TRPC7: variants seen among roughly 807,000 people sequenced by gnomAD.
The protein encoded by TRPC7 is short transient receptor potential channel 7.
In TRPC7, 42 loss-of-function variants were observed where a neutral mutation model predicts 90.1. That is an observed-to-expected ratio of 0.47 (90% CI 0.36 to 0.60). TRPC7 has a LOEUF of 0.60. Ranked by LOEUF, TRPC7 falls within the 20% of genes least tolerant of loss-of-function variation. The probability of loss-of-function intolerance (pLI) is 0.00; values close to 1 mark genes in which losing one functional copy is unlikely to be tolerated. For synonymous variants in TRPC7, 451 were observed against 436.3 expected (o/e 1.03, Z -0.42); for missense variants, 955 against 1,112.3 (o/e 0.86, Z 2.01).
At chr5:136,224,585 CA>C (rs1273401408) in intron 10 of TRPC7, among the ~76,000 whole-genome samples, 1 of 152,206 alleles carries the variant, frequency 6.6e-6, no homozygotes, top group African/African-American at 2.4e-5. Context: ...CCAATCCAAG[CA>C]ACCATGCCTT....
At chr5:136,307,281 C>G (rs1399668961) in intron 3 of TRPC7, among the ~76,000 whole-genome samples, 1 of 152,084 alleles carries the variant, frequency 6.6e-6, no homozygotes, top group East Asian at 1.9e-4. Context: ...ATTGACAACT[C>G]CCCATTCCCT....
In TRPC7 at chr5:136,355,811, A is replaced by T. The variant is rs1229250184; in HGVS notation, c.780+797T>A. ...AGACTCTGCCTCAAAAAGGAAAAAAAAATTGCTCTTATTATTATTAAACAC... is the reference window on the plus strand; with the variant it reads ...AGACTCTGCCTCAAAAAGGAAAAAATAATTGCTCTTATTATTATTAAACAC... On this transcript the variant is annotated intron_variant, in intron 2 of 11. Transcript: ENST00000513104. Among the ~76,000 whole-genome samples the T allele has an allele frequency of 3.3e-5, 5 of 152,300 alleles. No homozygotes were observed. The East Asian group carries it at 9.7e-4, about 29-fold the overall frequency.
intron 2 of TRPC7, among the ~76,000 whole-genome samples, chr5:136,326,329 T>C (rs545144639): frequency 1.3e-5 from 2 of 152,210 alleles, no homozygotes; most frequent in African/African-American, 2.4e-5. Flanking sequence ...GAGGAATACA[T>C]GTATATATAG....
Position 136,231,665 on chromosome 5 carries a change from C to T in TRPC7, c.1845-116G>A, listed in dbSNP as rs549503634. ...TGTTGCCTAGGCTGGAGTGCAGTGG[C>T]TCAATCATGGCTCACTCTAGCCCTG... On this transcript the variant is annotated intron_variant, in intron 7 of 11. Transcript: ENST00000513104. The T allele has an allele frequency of 1.5e-4, 147 of 961,864 alleles. 1 individual carries two copies. The South Asian group carries it at 2.4e-3, about 16-fold the overall frequency. 59.6% of individuals were successfully genotyped at this position (961,864 alleles called of 1,614,324 possible).
chr5:136,336,685 T>C (rs1759677506), intron 2 of TRPC7, among the ~76,000 whole-genome samples: 1 of 152,002 alleles, frequency 6.6e-6, no homozygotes, highest in African/African-American at 2.4e-5. Flanking sequence ...GACAGGCCCC[T>C]GGGGTGTGAT....
At chr5:136,244,409 TAG>T (rs1021812636) in intron 7 of TRPC7, among the ~76,000 whole-genome samples, 3 of 152,096 alleles carry the variant, frequency 2.0e-5, no homozygotes, top group Non-Finnish European at 4.4e-5. Flanking sequence ...AGGCTCTCCG[TAG>T]AGGAGGGAAG....
At chr5:136,231,228 T>A (rs1459514574) in intron 8 of TRPC7, 126 bp downstream of exon 8, 4 of 852,082 alleles carry the variant, frequency 4.7e-6, no homozygotes, top group Non-Finnish European at 7.0e-6. Flanking sequence ...GAAGAATGCC[T>A]GTTCTTTGCT....
intron 2 of TRPC7, 62 bp from the exon 3 acceptor site, chr5:136,315,841 G>A: frequency 6.6e-7 from 1 of 1,525,714 alleles, no homozygotes; most frequent in Non-Finnish European, 8.9e-7. Context: ...GGCTTGCCCA[G>A]CATAGCAGTG....
chr5:136,231,252 A>AT, intron 8 of TRPC7, 102 bp downstream of exon 8: 1 of 1,091,640 alleles, frequency 9.2e-7, no homozygotes, highest in Non-Finnish European at 1.3e-6. Flanking sequence ...CTGGCTGCAC[A>AT]TTTAACAACA....
At chr5:136,286,120 C>A (rs182653079) in intron 3 of TRPC7, among the ~76,000 whole-genome samples, 2 of 152,258 alleles carry the variant, frequency 1.3e-5, no homozygotes, top group African/African-American at 2.4e-5. Flanking sequence ...TTATCGAATG[C>A]GCGAATTTAT....
At chr5:136,299,576 T>A (rs1206458489) in intron 3 of TRPC7, among the ~76,000 whole-genome samples, 2 of 152,144 alleles carry the variant, frequency 1.3e-5, no homozygotes, top group African/African-American at 2.4e-5. Context: ...CTTAGGCAGA[T>A]GAATGTTAAT....
chr5:136,341,134 C>T (rs77402045), intron 2 of TRPC7, among the ~76,000 whole-genome samples: 3,696 of 152,222 alleles, frequency 0.024, 161 homozygotes, highest in African/African-American at 0.084. Flanking sequence ...GTTTAACTTA[C>T]AGATGTGGTC....
chr5:136,324,794 G>T (rs189902819), intron 2 of TRPC7, among the ~76,000 whole-genome samples: 61 of 152,186 alleles, frequency 4.0e-4, no homozygotes, highest in Non-Finnish European at 6.8e-4. Context: ...TATCCTGATC[G>T]GTCAAAAGTT....
intron 3 of TRPC7, among the ~76,000 whole-genome samples, chr5:136,313,258 C>T (rs1328056664): frequency 6.6e-6 from 1 of 152,162 alleles, no homozygotes; most frequent in African/African-American, 2.4e-5. Flanking sequence ...CATGGAACTG[C>T]TAAGACCAAC....
Position 136,320,683 on chromosome 5 carries a change from A to G in TRPC7, c.781-4904T>C, listed in dbSNP as rs551726425. ...TTTATTTACTGGGGGTCTCCCCCGG[A>G]TTCAGTCTACTCCAGCCACTCTGGT... On this transcript the variant is annotated intron_variant, in intron 2 of 11. Transcript: ENST00000513104. Among the ~76,000 whole-genome samples, 10 of 152,220 alleles carry G rather than the reference A, an allele frequency of 6.6e-5. No individual in the cohort carries two copies. In the South Asian group the frequency reaches 2.1e-3, roughly 32 times the overall value.
At chr5:136,254,679 T>C (rs1002421276) in intron 5 of TRPC7, among the ~76,000 whole-genome samples, 2 of 152,234 alleles carry the variant, frequency 1.3e-5, no homozygotes, top group Non-Finnish European at 2.9e-5. Context: ...TAACATAGTA[T>C]CCATTTTGCA....
intron 2 of TRPC7, among the ~76,000 whole-genome samples, chr5:136,351,961 CT>C (rs949713089): frequency 6.6e-6 from 1 of 152,192 alleles, no homozygotes; most frequent in Non-Finnish European, 1.5e-5. Context: ...TTCTTGCCCC[CT>C]ATTCTTCCCC....
chr5:136,356,627 T>C lies in TRPC7; in HGVS notation c.761A>G (p.Asn254Ser). The C allele has an allele frequency of 6.5e-7, 1 of 1,540,368 alleles. No homozygotes were observed. Among genetic ancestry groups the C allele is most frequent in the Non-Finnish European group, 8.7e-7 (1 of 1,143,358 alleles). Residue 254 changes from asparagine to serine, a missense_variant, in exon 2 of 12, where the codon AAC becomes AGC. By Grantham distance (46) the Asn-to-Ser change is conservative. Around this residue, in one of 4 missense-constraint regions of TRPC7, gnomAD observed 484 missense variants for 509.6 expected, o/e 0.95. Transcript: ENST00000513104. Reference sequence around the variant, plus strand: ...AGTTACCTTAAATTCAGTCTCAATGTTGGCTAGTCTGGCTAACTCGTTGCT... The same window carrying C: ...AGTTACCTTAAATTCAGTCTCAATGCTGGCTAGTCTGGCTAACTCGTTGCT... ...ELSNELARLANIETEFKNDYR... is the reference protein window; with the variant it reads ...ELSNELARLASIETEFKNDYR...
chr5:136,304,051 C>T (rs943154680), intron 3 of TRPC7, among the ~76,000 whole-genome samples: 2 of 150,210 alleles, frequency 1.3e-5, no homozygotes, highest in Non-Finnish European at 3.0e-5. Flanking sequence ...GTTATCCCCA[C>T]CTGCCCAGTT....
Sources: allele counts gnomAD v4.1 joint callset (sites outside exome capture counted in the v4.1 genomes callset), GRCh38; gene constraint gnomAD v4.1.1; regional missense constraint gnomAD v4.1.1; transcripts MANE v1.5; gene names NCBI Gene and HGNC (gene_info 2026-07-23, HGNC 2026-07-21).